CCDC178: variants seen among roughly 807,000 people sequenced by gnomAD.
The protein encoded by CCDC178 is coiled-coil domain-containing protein 178.
Under a neutral mutation model 117.4 loss-of-function variants are expected in CCDC178, and 126 were observed. The observed-to-expected ratio is 1.07, with a 90% CI of 0.93 to 1.24. The LOEUF is 1.24. CCDC178 is among the 50% of genes most tolerant of loss of function. The pLI is 0.00. For synonymous variants in CCDC178, 283 were observed against 313.4 expected (o/e 0.90, Z 1.02); for missense variants, 1,030 against 986.9 (o/e 1.04, Z -0.59).
intron 3 of CCDC178, among the ~76,000 whole-genome samples, chr18:33,398,893 ATTGT>A (rs2063674649): frequency 6.6e-6 from 1 of 152,232 alleles, no homozygotes; most frequent in Non-Finnish European, 1.5e-5. Flanking sequence ...TTGTCTAAAT[ATTGT>A]TTATGTCTAA....
At chr18:33,079,979 T>G (rs968236541) in intron 21 of CCDC178, among the ~76,000 whole-genome samples, 1 of 152,214 alleles carries the variant, frequency 6.6e-6, no homozygotes, top group African/African-American at 2.4e-5. Flanking sequence ...TGTAAGTGAA[T>G]GCTCATTGCA....
intron 20 of CCDC178, among the ~76,000 whole-genome samples, chr18:33,192,390 A>G (rs2058869333): frequency 6.6e-6 from 1 of 152,234 alleles, no homozygotes; most frequent in South Asian, 2.1e-4. Flanking sequence ...CAGCACTTAA[A>G]GGGTATACTA....
chr18:33,403,567 C>T (rs6507019), intron 3 of CCDC178, among the ~76,000 whole-genome samples: 145,501 of 152,148 alleles, frequency 0.96, 69,913 homozygotes, highest in East Asian at 1. Flanking sequence ...AGTTTGGATA[C>T]TACAGTTACA....
In CCDC178 at chr18:32,998,992, A is replaced by G. The variant is rs542990791; in HGVS notation, c.2389-24311T>C. 5.9e-5 allele frequency among the ~76,000 whole-genome samples: 9 copies of G among 152,206 alleles called. No individual in the cohort carries two copies. In the South Asian group the frequency reaches 1.9e-3, roughly 32 times the overall value. The stretch of plus-strand genomic sequence containing the variant: ...AGGGACTTTGTCTCACAGCTTAGGT[A>G]GCATCTTGGCCACAGTAGAGTAGAC... On this transcript the variant is annotated intron_variant, in intron 21 of 22. Transcript: ENST00000383096.
In CCDC178 at chr18:33,211,925, C is replaced by A. The variant is rs117587736; in HGVS notation, c.2209G>T (p.Val737Leu). 6.2e-7 allele frequency: 1 copy of A among 1,606,538 alleles called. No homozygotes were observed. Among genetic ancestry groups the A allele is most frequent in the South Asian group, 1.1e-5 (1 of 89,522 alleles). Residue 737 changes from valine to leucine, a missense_variant, in exon 20 of 23, where the codon GTA (valine) becomes TTA (leucine). Val to Leu is a conservative substitution (Grantham distance 32). Coordinates refer to ENST00000383096, the MANE Select transcript of CCDC178 (RefSeq NM_001105528.4). ...GTATCTTGAAGAGTTTTTTGTCTTACAGCAAGGAGCACTCTAAATCTCTGA... is the reference window on the plus strand; with the variant it reads ...GTATCTTGAAGAGTTTTTTGTCTTAAAGCAAGGAGCACTCTAAATCTCTGA... Reference protein sequence around the residue: ...EDQRFRVLLAVRQKTLQDTQK... With the variant: ...EDQRFRVLLALRQKTLQDTQK...
chr18:33,316,254 T>C (rs1379105500), intron 11 of CCDC178, among the ~76,000 whole-genome samples: 8 of 152,166 alleles, frequency 5.3e-5, no homozygotes, highest in Admixed American at 3.3e-4. Flanking sequence ...GAACCGGGGC[T>C]GCGCGCGGTG....
At chr18:33,324,105 C>T (rs1397102757) in intron 10 of CCDC178, among the ~76,000 whole-genome samples, 1 of 151,772 alleles carries the variant, frequency 6.6e-6, no homozygotes, top group Non-Finnish European at 1.5e-5. Context: ...ACTCTTTTTA[C>T]TAATGAACAA....
intron 21 of CCDC178, among the ~76,000 whole-genome samples, chr18:32,993,737 G>T (rs1171433410): frequency 6.6e-6 from 1 of 152,120 alleles, no homozygotes; most frequent in Non-Finnish European, 1.5e-5. Context: ...TGAGGGCAGG[G>T]TCAATGTGAT....
intron 21 of CCDC178, among the ~76,000 whole-genome samples, chr18:33,073,610 A>G (rs151176534): frequency 8.5e-5 from 13 of 152,142 alleles, no homozygotes; most frequent in African/African-American, 3.1e-4. Context: ...AGATGTAGGA[A>G]TGCTGTCTCA....
chr18:33,247,616 G>C (rs892095256), intron 14 of CCDC178, among the ~76,000 whole-genome samples: 4 of 151,834 alleles, frequency 2.6e-5, no homozygotes, highest in African/African-American at 9.7e-5. Context: ...TGGCACGTTT[G>C]TGTCTATACA....
intron 11 of CCDC178, among the ~76,000 whole-genome samples, chr18:33,294,655 A>G (rs2062083330): frequency 6.6e-6 from 1 of 152,186 alleles, no homozygotes; most frequent in African/African-American, 2.4e-5. Context: ...CAGAGTATAG[A>G]CTTACCTGTC....
intron 15 of CCDC178, among the ~76,000 whole-genome samples, chr18:33,240,250 A>G (rs2059471696): frequency 3.9e-5 from 6 of 151,950 alleles, no homozygotes; most frequent in Admixed American, 3.9e-4. Context: ...TTAACAGCCA[A>G]GTTCATAGCA....
At chr18:33,008,726 G>A (rs1035099064) in intron 21 of CCDC178, among the ~76,000 whole-genome samples, 10 of 151,702 alleles carry the variant, frequency 6.6e-5, no homozygotes, top group Non-Finnish European at 1.5e-4. Flanking sequence ...ATATAATTCT[G>A]TTAAAAAAAT....
intron 21 of CCDC178, among the ~76,000 whole-genome samples, chr18:33,071,181 T>C (rs376364296): frequency 2.1e-4 from 32 of 152,082 alleles, no homozygotes; most frequent in African/African-American, 7.7e-4. Context: ...GAGTAGTCAT[T>C]GATCAGAGTG....
intron 12 of CCDC178, among the ~76,000 whole-genome samples, chr18:33,280,902 A>C (rs2060016825): frequency 6.6e-6 from 1 of 152,164 alleles, no homozygotes; most frequent in South Asian, 2.1e-4. Context: ...GAATTGAACA[A>C]TGAGAACACA....
intron 15 of CCDC178, among the ~76,000 whole-genome samples, chr18:33,239,615 G>C (rs2059463242): frequency 1.3e-5 from 2 of 151,260 alleles, no homozygotes. Flanking sequence ...AGAGACAAAG[G>C]AAAACATATA....
intron 22 of CCDC178, among the ~76,000 whole-genome samples, chr18:32,953,241 G>T (rs891318291): frequency 6.6e-6 from 1 of 152,190 alleles, no homozygotes; most frequent in Admixed American, 6.5e-5. Flanking sequence ...AGCGACCTTT[G>T]CACTAGTTCC....
intron 21 of CCDC178, among the ~76,000 whole-genome samples, chr18:33,036,540 G>C (rs1452523673): frequency 6.6e-6 from 1 of 151,874 alleles, no homozygotes; most frequent in Non-Finnish European, 1.5e-5. Context: ...GAGCCTCAAA[G>C]GATGACTAGG....
intron 21 of CCDC178, among the ~76,000 whole-genome samples, chr18:33,053,460 G>A (rs1239209291): frequency 6.6e-6 from 1 of 152,152 alleles, no homozygotes; most frequent in Admixed American, 6.6e-5. Context: ...GATGAAAACT[G>A]TATTTTCTTC....
Sources: allele counts gnomAD v4.1 joint callset (sites outside exome capture counted in the v4.1 genomes callset), GRCh38; gene constraint gnomAD v4.1.1; transcripts MANE v1.5; gene names NCBI Gene and HGNC (gene_info 2026-07-23, HGNC 2026-07-21).